LRRC4B: variants seen among roughly 807,000 people sequenced by gnomAD.
LRRC4B encodes leucine-rich repeat-containing protein 4B.
Under a neutral mutation model 7.3 loss-of-function variants are expected in LRRC4B, and 1 was observed. The observed-to-expected ratio is 0.14, with a 90% CI of 0.05 to 0.65. The LOEUF (loss-of-function observed/expected upper bound fraction) is 0.65, where lower values mean the gene tolerates loss of function less well. Ranked by LOEUF, LRRC4B falls within the 30% of genes least tolerant of loss-of-function variation. The pLI is 0.84. For missense variants in LRRC4B, 730 were observed against 1,041.6 expected (o/e 0.70, Z 4.12); for synonymous variants, 500 against 499.2 (o/e 1.00, Z -0.02).
At chr19:50,547,024 C>A (rs922529052) in intron 2 of LRRC4B, among the ~76,000 whole-genome samples, 1 of 152,148 alleles carries the variant, frequency 6.6e-6, no homozygotes, top group South Asian at 2.1e-4. Flanking sequence ...GTCTGTTGAA[C>A]GTCACGTGTA....
At chr19:50,535,074 TAGCC>T (rs1246478510) in intron 2 of LRRC4B, among the ~76,000 whole-genome samples, 1 of 152,078 alleles carries the variant, frequency 6.6e-6, no homozygotes, top group Non-Finnish European at 1.5e-5. Flanking sequence ...TTCACTGTGT[TAGCC>T]AGGATGGTCT....
At chr19:50,566,239 C>T (rs1460522530) in intron 1 of LRRC4B, among the ~76,000 whole-genome samples, 2 of 151,938 alleles carry the variant, frequency 1.3e-5, no homozygotes, top group African/African-American at 4.8e-5. Flanking sequence ...GGAGGGAAGC[C>T]GGCTCCGGCT....
At chr19:50,531,004 T>C (rs1981036096) in intron 2 of LRRC4B, among the ~76,000 whole-genome samples, 2 of 151,202 alleles carry the variant, frequency 1.3e-5, no homozygotes, top group East Asian at 2.0e-4. Flanking sequence ...TGCCTTGGCC[T>C]CTCAAAGTGC....
chr19:50,566,708 G>C (rs895632967), intron 1 of LRRC4B, among the ~76,000 whole-genome samples: 6 of 151,758 alleles, frequency 4.0e-5, no homozygotes, highest in Middle Eastern at 3.4e-3. Flanking sequence ...CTGAGAGCCC[G>C]GGATTGATGG....
rs548843515 is a variant in LRRC4B, at chr19:50,535,097, T to C, written c.297+13445A>G. Among the ~76,000 whole-genome samples the C allele has an allele frequency of 1.3e-4, 20 of 152,272 alleles. No individual in the cohort carries two copies. In the South Asian group the frequency reaches 4.1e-3, roughly 32 times the overall value. ...GTTAGCCAGGATGGTCTCGATCTCCTGACCTCATGATCTGCCCGCCTTGGC... is the reference window on the plus strand; with the variant it reads ...GTTAGCCAGGATGGTCTCGATCTCCCGACCTCATGATCTGCCCGCCTTGGC... On this transcript the variant is annotated intron_variant, in intron 2 of 2. Transcript: ENST00000652263.
At position 50,518,387 on chromosome 19, in the gene LRRC4B, G is replaced by T; in HGVS notation, c.1326C>A (p.Ala442=). ...GCGTGGCCGAGGCGGTGGTGTTGCC[G>T]GCTGAGTTCGTCACCATGCACGTGT... The part of the protein sequence containing the change: ...GQYTCMVTNS[A]GNTTASATLN... The change falls in exon 3 of 3, where the codon GCC becomes GCA. Residue 442 remains alanine (A), a synonymous_variant. Coordinates refer to ENST00000652263, the MANE Select transcript of LRRC4B (RefSeq NM_001080457.2). 6.3e-7 allele frequency: 1 copy of T among 1,585,798 alleles called. No homozygotes were observed. The highest frequency in any genetic ancestry group is 8.6e-7 in the Non-Finnish European group (1 of 1,168,514).
At chr19:50,541,581 C>T (rs1981552645) in intron 2 of LRRC4B, among the ~76,000 whole-genome samples, 2 of 152,218 alleles carry the variant, frequency 1.3e-5, no homozygotes, top group East Asian at 3.9e-4. Flanking sequence ...TTAAACACAA[C>T]TCTTTGAAGC....
intron 2 of LRRC4B, among the ~76,000 whole-genome samples, chr19:50,520,248 G>GAAAAAAAAAAAAAAAAAAAAAA (rs1163666534): frequency 6.9e-5 from 1 of 14,452 alleles, no homozygotes; most frequent in Non-Finnish European, 1.1e-4. Context: ...AAAAAAAAAA[G>GAAAAAAAAAAAAAAAAAAAAAA]AAGAAAAGAA....
At chr19:50,530,158 G>A (rs558455439) in intron 2 of LRRC4B, among the ~76,000 whole-genome samples, 7 of 152,050 alleles carry the variant, frequency 4.6e-5, no homozygotes, top group South Asian at 2.1e-4. Context: ...TGGGCCCGCC[G>A]CAGCCTCCTG....
chr19:50,539,535 TC>T (rs1434288541), intron 2 of LRRC4B, among the ~76,000 whole-genome samples: 3 of 152,172 alleles, frequency 2.0e-5, no homozygotes, highest in Admixed American at 6.6e-5. Flanking sequence ...CTTTTTTTTT[TC>T]TTTCCAGCTT....
chr19:50,558,996 T>C (rs1031971090), intron 1 of LRRC4B, among the ~76,000 whole-genome samples: 2 of 152,112 alleles, frequency 1.3e-5, no homozygotes, highest in African/African-American at 4.8e-5. Context: ...GCTCATTCAG[T>C]CCCCGCAAGG....
Position 50,556,968 on chromosome 19 carries a change from C to T in LRRC4B, c.-35-8095G>A, listed in dbSNP as rs1480633310. ...GCCGGGGGCGGGGGGGCCCTCCTTC[C>T]TCTCACAACGGGCTGTGACAACAGA... is the stretch of plus-strand genomic sequence containing the variant. On this transcript the variant is annotated intron_variant, in intron 1 of 2. Coordinates refer to ENST00000652263, the MANE Select transcript of LRRC4B (RefSeq NM_001080457.2). This position sits in a 1 kb window ranked among gnomAD's most constrained non-coding sequence, Gnocchi z 4.2. Among the ~76,000 whole-genome samples the T allele has an allele frequency of 6.6e-6, 1 of 152,102 alleles. No homozygotes were observed. Among genetic ancestry groups the T allele is most frequent in the African/African-American group, 2.4e-5 (1 of 41,434 alleles).
rs964222409 is a variant in LRRC4B at position 50,563,237 on chromosome 19, G to A, written c.-36+4707C>T. Among the ~76,000 whole-genome samples, 2 of 152,136 alleles carry A rather than the reference G, an allele frequency of 1.3e-5. No homozygotes were observed. The highest frequency in any genetic ancestry group is 1.9e-4 in the East Asian group (1 of 5,178). On this transcript the variant is annotated intron_variant, in intron 1 of 2. Coordinates refer to ENST00000652263, the MANE Select transcript of LRRC4B (RefSeq NM_001080457.2). This position sits in a 1 kb window ranked among gnomAD's most constrained non-coding sequence, Gnocchi z 4.9. Reference sequence around the variant, plus strand: ...CTGCCTGCCATGACAACAGTTGCGCGTGGGTTTCCAGGCAACAAGGGGCAT... The same window carrying A: ...CTGCCTGCCATGACAACAGTTGCGCATGGGTTTCCAGGCAACAAGGGGCAT...
chr19:50,558,441 G>A (rs1766691746), intron 1 of LRRC4B, among the ~76,000 whole-genome samples: 1 of 152,102 alleles, frequency 6.6e-6, no homozygotes, highest in African/African-American at 2.4e-5. Context: ...TGTTGCCCAG[G>A]CTGGTCTCAA....
Sources: gnomAD v4.1 joint callset for allele counts (sites outside exome capture counted in the v4.1 genomes callset) on GRCh38, gnomAD v4.1.1 for gene constraint, Gnocchi (gnomAD v3.1) non-coding constraint, MANE v1.5 for transcripts, NCBI Gene and HGNC (gene_info 2026-07-23, HGNC 2026-07-21) for gene names.